The following PGM2L1 variants were observed in gnomAD, a reference collection of about 807,000 sequenced individuals.
The protein encoded by PGM2L1 is glucose 1,6-bisphosphate synthase.
PGM2L1 carries 35 observed loss-of-function variants against 73.4 expected under a neutral mutation model. That is an observed-to-expected ratio of 0.48 (90% CI 0.36 to 0.63). PGM2L1 has a LOEUF of 0.63. Ranked by LOEUF, PGM2L1 falls within the 30% of genes least tolerant of loss-of-function variation. PGM2L1 has a pLI of 0.00. For synonymous variants in PGM2L1, 225 were observed against 253.8 expected (o/e 0.89, Z 1.08); for missense variants, 570 against 742.0 (o/e 0.77, Z 2.69).
intron 5 of PGM2L1, among the ~76,000 whole-genome samples, chr11:74,361,102 C>T (rs1862556338): frequency 1.3e-5 from 2 of 152,226 alleles, no homozygotes; most frequent in South Asian, 4.1e-4. Context: ...ACTGCCTCCT[C>T]AAGTGGGTTC....
rs761580547 is a variant in PGM2L1, at chr11:74,347,216, G to T, written c.871C>A (p.Gln291Lys). The T allele has an allele frequency of 6.2e-7, 1 of 1,612,136 alleles. No individual in the cohort carries two copies. Among genetic ancestry groups the T allele is most frequent in the South Asian group, 1.1e-5 (1 of 90,604 alleles). The change falls in exon 7 of 14, where the codon CAA (glutamine) becomes AAA (lysine). Residue 291 changes from glutamine to lysine, a missense_variant. Gln to Lys is a moderately conservative substitution (Grantham distance 53). Transcript: ENST00000298198. The part of the protein sequence containing the change: ...GFKPPIPVPE[Q>K]KDPDPDFSTV... ...GAAAAGTCTGGATCAGGATCTTTTT[G>T]TTCTGGTACTGGAATTGGAGGCTTA...
At chr11:74,390,116 C>T (rs1268732827) in intron 1 of PGM2L1, among the ~76,000 whole-genome samples, 3 of 59,760 alleles carry the variant, frequency 5.0e-5, no homozygotes, top group Admixed American at 1.8e-4. Context: ...GAGACTCCGT[C>T]TCAAAAAAAA....
chr11:74,355,320 G>A lies in PGM2L1; in HGVS notation c.556-3744C>T, dbSNP rs578231133. ...TGTAATCCCAGCACTTTGGGAGGCT[G>A]AGGTGGGTGGATCACCTGAGGTCAG... On this transcript the variant is annotated intron_variant, in intron 5 of 13. Coordinates refer to ENST00000298198, the MANE Select transcript of PGM2L1 (RefSeq NM_173582.6). 153 of 742,906 alleles carry A rather than the reference G, an allele frequency of 2.1e-4. 1 individual carries two copies. The East Asian group carries it at 3.8e-3, about 18-fold the overall frequency. The allele number at this position is 742,906 out of a possible 1,614,324, so 46.0% of individuals were successfully genotyped here. A position where few individuals can be genotyped will look rare whatever the true frequency, so the allele number is the denominator to read the frequency against.
At position 74,346,106 on chromosome 11, in the gene PGM2L1, A is replaced by C. The variant is rs1171191400; in HGVS notation, c.1038-457T>G. On this transcript the variant is annotated intron_variant, in intron 8 of 13. Transcript: ENST00000298198. Reference sequence around the variant, plus strand: ...ATGGCAAAACCCTGTCTCTACTAAAAATACAAAATTAGCCAGGCATGGTGG... The same window carrying C: ...ATGGCAAAACCCTGTCTCTACTAAACATACAAAATTAGCCAGGCATGGTGG... 2.0e-5 allele frequency among the ~76,000 whole-genome samples: 3 copies of C among 151,972 alleles called. No homozygotes were observed. The East Asian group carries it at 5.8e-4, about 29-fold the overall frequency.
chr11:74,384,656 C>CTTG (rs972308069), intron 1 of PGM2L1, among the ~76,000 whole-genome samples: 6 of 151,948 alleles, frequency 3.9e-5, no homozygotes, highest in Non-Finnish European at 5.9e-5. Context: ...CTCCAGGAAA[C>CTTG]TTGTTGTTGT....
rs1433591249 is a variant in PGM2L1 at position 74,343,410 on chromosome 11, A to T, written c.1225T>A (p.Leu409Ile). 1.2e-6 allele frequency: 2 copies of T among 1,605,074 alleles called. No homozygotes were observed. The highest frequency in any genetic ancestry group is 3.5e-5 in the Admixed American group (2 of 57,384). ...CTTCCAATCCATTTAAAACCTGGTA[A>T]TGTTTCCTGAAATGCAGAGGAGGCC... ...LKEGFHFEET[L>I]PGFKWIGSRI... Residue 409 changes from leucine to isoleucine, a missense_variant, in exon 10 of 14, where the codon TTA becomes ATA. Transcript: ENST00000298198.
chr11:74,346,868 ACCTAAGTT>A (rs763761378), intron 7 of PGM2L1, 39 bp from the exon 8 acceptor site: 1 of 1,461,782 alleles, frequency 6.8e-7, no homozygotes. Flanking sequence ...GTACTGAAGA[ACCTAAGTT>A]CAATGTTAAC....
chr11:74,362,581 T>G (rs559821624), intron 5 of PGM2L1, among the ~76,000 whole-genome samples: 9 of 152,256 alleles, frequency 5.9e-5, no homozygotes, highest in Non-Finnish European at 1.2e-4. Flanking sequence ...ATGCTCCAAT[T>G]AAAAGACACA....
In PGM2L1 at chr11:74,345,636, C is replaced by G; in HGVS notation, c.1051G>C (p.Val351Leu). ...AELQENGCWK[V>L]FTGNELAALF... is the part of the protein sequence containing the mutation. ...GCTGCCAACTCATTCCCTGTGAAAA[C>G]TTTCCAACAACCACTGTAGAGAGAA... The change falls in exon 9 of 14, where the codon GTT becomes CTT. Residue 351 changes from valine to leucine, a missense_variant. Val to Leu is a conservative substitution (Grantham distance 32). Coordinates refer to ENST00000298198, the MANE Select transcript of PGM2L1 (RefSeq NM_173582.6). The G allele has an allele frequency of 6.2e-7, 1 of 1,613,752 alleles. No homozygotes were observed. Among genetic ancestry groups the G allele is most frequent in the Non-Finnish European group, 8.5e-7 (1 of 1,179,826 alleles).
chr11:74,338,997 A>T (rs75285093), intron 12 of PGM2L1, among the ~76,000 whole-genome samples: 5,672 of 152,308 alleles, frequency 0.037, 117 homozygotes, highest in Middle Eastern at 0.085. Context: ...ATTCATAAAC[A>T]TACCATTTAC....
chr11:74,358,420 A>G (rs1248460067), intron 5 of PGM2L1, among the ~76,000 whole-genome samples: 1 of 152,250 alleles, frequency 6.6e-6, no homozygotes, highest in Non-Finnish European at 1.5e-5. Context: ...AGACAGGTAC[A>G]GATTAAAAAT....
chr11:74,336,735 C>T lies in PGM2L1; in HGVS notation c.1786G>A (p.Glu596Lys). Reference sequence around the variant, plus strand: ...GCATCAATGAGTTTCTTCAGTTCTTCCTCCAGTAAAGCAGTGTCACTGAGG... The same window carrying T: ...GCATCAATGAGTTTCTTCAGTTCTTTCTCCAGTAAAGCAGTGTCACTGAGG... ...PDQSDTALLE[E>K]ELKKLIDALI... Residue 596 changes from glutamate (E) to lysine (K), a missense_variant, in exon 14 of 14, where the codon GAA becomes AAA. Transcript: ENST00000298198. 1 of 1,610,810 alleles carries T rather than the reference C, an allele frequency of 6.2e-7. No homozygotes were observed. Among genetic ancestry groups the T allele is most frequent in the South Asian group, 1.1e-5 (1 of 90,760 alleles).
chr11:74,343,284 A>T, intron 10 of PGM2L1, 39 bp downstream of exon 10: 1 of 1,535,434 alleles, frequency 6.5e-7, no homozygotes, highest in Non-Finnish European at 8.7e-7. Flanking sequence ...TTTAAAAATT[A>T]TCAATCAAAT....
At chr11:74,391,136 T>C (rs2134955404) in intron 1 of PGM2L1, among the ~76,000 whole-genome samples, 1 of 152,232 alleles carries the variant, frequency 6.6e-6, no homozygotes, top group South Asian at 2.1e-4. Flanking sequence ...TCCTTGCTTA[T>C]TTGGGTCCTT....
Position 74,342,840 on chromosome 11 carries a change from T to G in PGM2L1, c.1442+45A>C, listed in dbSNP as rs377431808. ...ATTTAGAAAACTAAGGGTAGGACAA[T>G]AAAAGAAAAATCTAGCATGTGAAAT... On this transcript the variant is annotated intron_variant, in intron 11 of 13. Transcript: ENST00000298198. The G allele has an allele frequency of 1.4e-5, 22 of 1,530,058 alleles. No homozygotes were observed. The African/African-American group carries it at 2.8e-4, about 19-fold the overall frequency. The allele number at this position is 1,530,058 out of a possible 1,614,324, so 94.8% of individuals were successfully genotyped here. A position where few individuals can be genotyped will look rare whatever the true frequency, so the allele number is the denominator to read the frequency against.
intron 13 of PGM2L1, among the ~76,000 whole-genome samples, chr11:74,337,978 CAA>C: frequency 6.6e-6 from 1 of 151,998 alleles, no homozygotes; most frequent in Middle Eastern, 3.4e-3. Context: ...TCAAAACAGC[CAA>C]AGAGTGCAAA....
At chr11:74,376,640 A>T (rs1862859228) in intron 1 of PGM2L1, among the ~76,000 whole-genome samples, 1 of 152,118 alleles carries the variant, frequency 6.6e-6, no homozygotes, top group East Asian at 1.9e-4. Flanking sequence ...TATATAAATG[A>T]TCCAGCAGAC....
At chr11:74,343,541 A>G in intron 9 of PGM2L1, 125 bp from the exon 10 acceptor site, 1 of 1,357,840 alleles carries the variant, frequency 7.4e-7, no homozygotes, top group Non-Finnish European at 9.8e-7. Context: ...CAGTCCACAA[A>G]GATTTATACA....
chr11:74,358,771 C>T (rs747845949), intron 5 of PGM2L1, among the ~76,000 whole-genome samples: 1 of 152,146 alleles, frequency 6.6e-6, no homozygotes, highest in Non-Finnish European at 1.5e-5. Flanking sequence ...CGCCTGTAGT[C>T]CCAGCTACCC....
Sources: gnomAD v4.1 joint callset for allele counts (sites outside exome capture counted in the v4.1 genomes callset) on GRCh38, gnomAD v4.1.1 for gene constraint, MANE v1.5 for transcripts, NCBI Gene and HGNC (gene_info 2026-07-23, HGNC 2026-07-21) for gene names.